Variants in HDAC9 observed in about 807,000 individuals in gnomAD.
HDAC9 encodes the protein histone deacetylase 9, also known as MEF-2 interacting transcription repressor (MITR) protein.
HDAC9 carries 41 observed loss-of-function variants against 139.4 expected under a neutral mutation model. That is an observed-to-expected ratio of 0.29 (90% CI 0.23 to 0.38). The LOEUF is 0.38. Among genes scored for constraint, HDAC9 ranks in the 10% least tolerant of loss-of-function variants. The pLI is 1.00. For missense variants in HDAC9, 1,147 were observed against 1,297.0 expected, an observed-to-expected ratio of 0.88 and a Z score of 1.78; for synonymous variants, 517 against 476.2, an observed-to-expected ratio of 1.09 and a Z score of -1.12.
intron 1 of HDAC9, among the ~76,000 whole-genome samples, chr7:18,134,662 T>G (rs1489547784): frequency 6.6e-6 from 1 of 152,192 alleles, no homozygotes; most frequent in Non-Finnish European, 1.5e-5. Context: ...AAATCAGCTT[T>G]CTGTTTCTAG....
chr7:18,494,393 C>A (rs931866826), upstream of HDAC9, among the ~76,000 whole-genome samples: 1 of 152,022 alleles, frequency 6.6e-6, no homozygotes, highest in Non-Finnish European at 1.5e-5. Context: ...CCTCTTCCAT[C>A]GGATTGTTCT....
intron 1 of HDAC9, among the ~76,000 whole-genome samples, chr7:18,107,281 C>T (rs889081857): frequency 6.6e-5 from 10 of 152,078 alleles, no homozygotes; most frequent in African/African-American, 1.9e-4. Context: ...TTAGTGATAA[C>T]TGCTTTGTCT....
chr7:18,710,298 C>G (rs948119513), intron 12 of HDAC9, among the ~76,000 whole-genome samples: 5 of 152,194 alleles, frequency 3.3e-5, no homozygotes, highest in Non-Finnish European at 7.3e-5. Flanking sequence ...TAAACCATAT[C>G]AGTCAGGGAA....
intron 1 of HDAC9, among the ~76,000 whole-genome samples, chr7:18,151,611 A>G (rs1227717360): frequency 1.3e-5 from 2 of 152,204 alleles, no homozygotes; most frequent in Non-Finnish European, 2.9e-5. Flanking sequence ...TAATCATAGT[A>G]TAGTAACCCA....
At chr7:18,276,521 C>G (rs1051979788) in intron 2 of HDAC9, among the ~76,000 whole-genome samples, 2 of 152,150 alleles carry the variant, frequency 1.3e-5, no homozygotes, top group Non-Finnish European at 2.9e-5. Context: ...CAGGAGTGTT[C>G]TGAGCTGTGA....
intron 1 of HDAC9, among the ~76,000 whole-genome samples, chr7:18,341,520 G>A (rs1477727647): frequency 6.6e-6 from 1 of 151,186 alleles, no homozygotes; most frequent in African/African-American, 2.4e-5. Flanking sequence ...ATATCTAATT[G>A]GCTGTTAGTC....
At chr7:18,859,961 A>G (rs1396737776) in intron 21 of HDAC9, among the ~76,000 whole-genome samples, 4 of 150,498 alleles carry the variant, frequency 2.7e-5, no homozygotes, top group South Asian at 2.1e-4. Context: ...ATTTTATGGA[A>G]TGCAATCACT....
chr7:18,791,886 G>A (rs1195617078), intron 16 of HDAC9, among the ~76,000 whole-genome samples: 1 of 152,128 alleles, frequency 6.6e-6, no homozygotes, highest in Non-Finnish European at 1.5e-5. Flanking sequence ...TATGCAGATG[G>A]TACTTTAAAA....
chr7:18,975,094 C>T (rs1784470673), intron 24 of HDAC9, among the ~76,000 whole-genome samples: 3 of 152,220 alleles, frequency 2.0e-5, no homozygotes, highest in Non-Finnish European at 2.9e-5. Flanking sequence ...TAACTATGCT[C>T]TTTCATATTT....
chr7:18,769,259 C>A (rs1335765375), intron 16 of HDAC9, among the ~76,000 whole-genome samples: 2 of 152,178 alleles, frequency 1.3e-5, no homozygotes, highest in East Asian at 3.9e-4. Flanking sequence ...AAATTGACTT[C>A]TTATTTCTCA....
In HDAC9 at chr7:18,985,557, T is replaced by A. The variant is rs1489251711; in HGVS notation, c.3170+9604T>A. Among the ~76,000 whole-genome samples, 14 of 151,488 alleles carry A rather than the reference T, an allele frequency of 9.2e-5. No individual in the cohort carries two copies. In the South Asian group the frequency reaches 2.7e-3, roughly 29 times the overall value. On this transcript the variant is annotated intron_variant, in intron 25 of 25. Coordinates refer to ENST00000686413, the MANE Select transcript of HDAC9 (RefSeq NM_178425.4). Reference sequence around the variant, plus strand: ...GTGTGCGTGTGTCTTTAGAGCAGCATGATTTATAGTCCTTTGGGTATATAC... The same window carrying A: ...GTGTGCGTGTGTCTTTAGAGCAGCAAGATTTATAGTCCTTTGGGTATATAC...
chr7:18,697,799 AT>A (rs36014102), intron 12 of HDAC9, among the ~76,000 whole-genome samples: 31,161 of 148,462 alleles, frequency 0.21, 3,323 homozygotes, highest in East Asian at 0.3. Flanking sequence ...TAAACAGTAG[AT>A]TTTTTTTTTT....
intron 16 of HDAC9, among the ~76,000 whole-genome samples, chr7:18,780,887 T>C (rs2028014): frequency 0.76 from 115,155 of 151,660 alleles, 44,510 homozygotes; most frequent in Non-Finnish European, 0.83. Context: ...CAACACAGAA[T>C]ATCTTTTTAA....
At position 18,613,116 on chromosome 7, in the gene HDAC9, G is replaced by A. The variant is rs573982799; in HGVS notation, c.665-16234G>A. ...CTCTTTTATATATAAATATATATAA[G>A]TATAATATAATAGATATATTTATAA... On this transcript the variant is annotated intron_variant, in intron 6 of 25. Transcript: ENST00000686413. Among the ~76,000 whole-genome samples, 18 of 147,552 alleles carry A rather than the reference G, an allele frequency of 1.2e-4. No individual in the cohort carries two copies. In the South Asian group the frequency reaches 3.6e-3, roughly 29 times the overall value.
rs368520265 is a variant in HDAC9, at chr7:18,367,405, G to A, written c.-42+76890G>A. Among the ~76,000 whole-genome samples, 75 of 152,146 alleles carry A rather than the reference G, an allele frequency of 4.9e-4. 1 individual carries two copies. In the South Asian group the frequency reaches 0.014, roughly 28 times the overall value. On this transcript the variant is annotated intron_variant, in intron 1 of 3. Transcript: ENST00000413509. Reference sequence around the variant, plus strand: ...ACACATCTGATATTGAAATTTGAACGTGATAAAAATTGGTAAAGACTCTGT... The same window carrying A: ...ACACATCTGATATTGAAATTTGAACATGATAAAAATTGGTAAAGACTCTGT...
chr7:18,748,155 GT>G (rs1484404328), intron 13 of HDAC9, among the ~76,000 whole-genome samples: 1 of 152,138 alleles, frequency 6.6e-6, no homozygotes, highest in Non-Finnish European at 1.5e-5. Flanking sequence ...ATGAGCCAGA[GT>G]TATAATTATC....
chr7:18,433,969 T>C lies in HDAC9; in HGVS notation c.-41-62293T>C, dbSNP rs1427062277. 2.0e-5 allele frequency among the ~76,000 whole-genome samples: 3 copies of C among 152,152 alleles called. No individual in the cohort carries two copies. The East Asian group carries it at 5.8e-4, about 29-fold the overall frequency. On this transcript the variant is annotated intron_variant, in intron 1 of 3. Transcript: ENST00000413509. The stretch of plus-strand genomic sequence containing the variant: ...AGAGCCTGAGTAGCCAAGGCAATCC[T>C]AAGCAAAAAGAACTAAGCTGAAAGC...
At chr7:18,265,213 A>G (rs1000835981) in intron 2 of HDAC9, among the ~76,000 whole-genome samples, 1 of 152,232 alleles carries the variant, frequency 6.6e-6, no homozygotes, top group Non-Finnish European at 1.5e-5. Flanking sequence ...GGGCAAGGAC[A>G]AATCAATATT....
chr7:18,707,293 T>C (rs184034033), intron 12 of HDAC9, among the ~76,000 whole-genome samples: 3 of 152,216 alleles, frequency 2.0e-5, no homozygotes, highest in Admixed American at 1.3e-4. Context: ...ACTAGTCACT[T>C]TAAAGAGAGA....
Sources: gnomAD v4.1 joint callset for allele counts (sites outside exome capture counted in the v4.1 genomes callset) on GRCh38, gnomAD v4.1.1 for gene constraint, MANE v1.5 for transcripts, NCBI Gene and HGNC (gene_info 2026-07-23, HGNC 2026-07-21) for gene names.